Variants in AUNIP observed in about 807,000 individuals in gnomAD.
The protein encoded by AUNIP is aurora kinase A and ninein interacting protein.
In AUNIP, 16 loss-of-function variants were observed where a neutral mutation model predicts 12.2. The observed-to-expected ratio is 1.31, with a 90% CI of 0.88 to 1.99. AUNIP has a LOEUF of 1.99. Among genes scored for constraint, AUNIP ranks in the 30% most tolerant of loss-of-function variants. The pLI, the probability that AUNIP is intolerant of heterozygous loss-of-function variation, is 0.00. For missense variants in AUNIP, 411 were observed against 419.1 expected, an observed-to-expected ratio of 0.98 and a Z score of 0.17; for synonymous variants, 142 against 154.8, an observed-to-expected ratio of 0.92 and a Z score of 0.61.
At position 25,835,524 on chromosome 1, in the gene AUNIP, A is replaced by G. The variant is rs778207422; in HGVS notation, c.543T>C (p.Ser181=). The G allele has an allele frequency of 6.8e-6, 11 of 1,614,080 alleles. No homozygotes were observed. Among genetic ancestry groups the G allele is most frequent in the South Asian group, 1.1e-5 (1 of 91,096 alleles). ...CTTCCTTTCGGTCTAGCAAACAAGAACTTTCCAAGTCCTCGGTGAAGGAAA... is the reference window on the plus strand; with the variant it reads ...CTTCCTTTCGGTCTAGCAAACAAGAGCTTTCCAAGTCCTCGGTGAAGGAAA... ...LAFSFTEDLE[S]SCLLDRKEEK... is the part of the protein sequence containing the mutation. The change falls in exon 3 of 3, where the codon AGT becomes AGC. Residue 181 remains serine, a synonymous_variant. Coordinates refer to ENST00000374298, the MANE Select transcript of AUNIP (RefSeq NM_024037.3).
At position 25,849,754 on chromosome 1, in the gene AUNIP, C is replaced by G. The variant is rs1203529184; in HGVS notation, c.78+9526G>C. On this transcript the variant is annotated intron_variant, in intron 1 of 2. Transcript: ENST00000374298. Reference sequence around the variant, plus strand: ...GTTCAAGCAATTCTTCTGCCTCAGTCTCCTGAGCAGCTGGAATTACAGGTG... The same window carrying G: ...GTTCAAGCAATTCTTCTGCCTCAGTGTCCTGAGCAGCTGGAATTACAGGTG... 2.0e-5 allele frequency among the ~76,000 whole-genome samples: 3 copies of G among 152,186 alleles called. No individual in the cohort carries two copies. In the East Asian group the frequency reaches 5.8e-4, roughly 29 times the overall value.
At chr1:25,856,548 G>A (rs868526756) in intron 1 of AUNIP, among the ~76,000 whole-genome samples, 60 of 151,924 alleles carry the variant, frequency 3.9e-4, no homozygotes, top group African/African-American at 1.3e-3. Context: ...GGTGGTGCAT[G>A]CCTGTAATCC....
downstream of AUNIP, among the ~76,000 whole-genome samples, chr1:25,833,122 T>TTTC (rs2048268432): frequency 6.6e-6 from 1 of 152,088 alleles, no homozygotes; most frequent in Admixed American, 6.5e-5. Context: ...CTATACTCTT[T>TTTC]TTCTTTTTTT....
In AUNIP at chr1:25,835,433, C is replaced by T. The variant is rs149032187; in HGVS notation, c.634G>A (p.Glu212Lys). The T allele has an allele frequency of 5.9e-5, 96 of 1,614,228 alleles. 1 individual carries two copies. In the East Asian group the frequency reaches 2.1e-3, roughly 36 times the overall value. ...HESKKNYQSM[E>K]KHTKLPGDKC... The stretch of plus-strand genomic sequence containing the variant: ...TCCCCAGGTAGTTTGGTGTGTTTCT[C>T]CATACTCTGATAGTTCTTCTTAGAC... The change falls in exon 3 of 3, where the codon GAG becomes AAG. Residue 212 changes from glutamate (E) to lysine (K), a missense_variant. Transcript: ENST00000374298.
intron 1 of AUNIP, among the ~76,000 whole-genome samples, chr1:25,842,642 A>G (rs1182486275): frequency 2.0e-5 from 3 of 152,378 alleles, no homozygotes; most frequent in African/African-American, 7.2e-5. Flanking sequence ...GCCTGGCTCC[A>G]AAGCATCAAA....
chr1:25,853,917 C>G (rs2048440282), intron 1 of AUNIP, among the ~76,000 whole-genome samples: 1 of 152,122 alleles, frequency 6.6e-6, no homozygotes, highest in Non-Finnish European at 1.5e-5. Context: ...ATATTCTATT[C>G]ATTAGAAGCA....
chr1:25,845,508 T>C lies in AUNIP; in HGVS notation c.79-7954A>G, dbSNP rs553282706. Among the ~76,000 whole-genome samples the C allele has an allele frequency of 2.0e-5, 3 of 152,288 alleles. No homozygotes were observed. In the East Asian group the frequency reaches 5.8e-4, roughly 29 times the overall value. On this transcript the variant is annotated intron_variant, in intron 1 of 2. Coordinates refer to ENST00000374298, the MANE Select transcript of AUNIP (RefSeq NM_024037.3). Reference sequence around the variant, plus strand: ...TTACACCCAGCTCCAAAACATACTCTTCAGCTTACCACCAAGCATTCCTGA... The same window carrying C: ...TTACACCCAGCTCCAAAACATACTCCTCAGCTTACCACCAAGCATTCCTGA...
In AUNIP at chr1:25,859,345, C is replaced by T; in HGVS notation, c.13G>A (p.Gly5Ser). 2 of 1,547,252 alleles carry T rather than the reference C, an allele frequency of 1.3e-6. No individual in the cohort carries two copies. The highest frequency in any genetic ancestry group is 8.7e-7 in the Non-Finnish European group (1 of 1,149,120). The change falls in exon 1 of 3, where the codon GGC becomes AGC. Residue 5 changes from glycine (G) to serine (S), a missense_variant. By Grantham distance (56) the Gly-to-Ser change is moderately conservative. Coordinates refer to ENST00000374298, the MANE Select transcript of AUNIP (RefSeq NM_024037.3). ...ACGCCGCAGGCCTCCTCCTCGGGGC[C>T]TGTCCGCCTCATGGCCGCTGAGGAG... MRRT[G>S]PEEEACGVWL...
intron 1 of AUNIP, among the ~76,000 whole-genome samples, chr1:25,850,065 G>A (rs1039873970): frequency 6.6e-6 from 1 of 151,782 alleles, no homozygotes; most frequent in Admixed American, 6.6e-5. Flanking sequence ...GCAGACATAC[G>A]TTTTCCTATC....
At position 25,847,426 on chromosome 1, in the gene AUNIP, A is replaced by C. The variant is rs2048391678; in HGVS notation, c.79-9872T>G. Among the ~76,000 whole-genome samples, 3 of 151,954 alleles carry C rather than the reference A, an allele frequency of 2.0e-5. No individual in the cohort carries two copies. In the South Asian group the frequency reaches 6.2e-4, roughly 32 times the overall value. ...ACAGGCATGCGCCACGATGCCAGCTAAATTTTTTTTGTATTTTTAGTAGAG... is the reference window on the plus strand; with the variant it reads ...ACAGGCATGCGCCACGATGCCAGCTCAATTTTTTTTGTATTTTTAGTAGAG... On this transcript the variant is annotated intron_variant, in intron 1 of 2. Transcript: ENST00000374298. The surrounding 1 kb of genome is among the most constrained non-coding windows in gnomAD (Gnocchi z 4.2).
chr1:25,837,827 A>G (rs913145949), intron 1 of AUNIP, among the ~76,000 whole-genome samples: 2 of 152,244 alleles, frequency 1.3e-5, no homozygotes, highest in African/African-American at 2.4e-5. Context: ...ATTTGTTAAC[A>G]GGATGGCAGA....
rs2048277330 is a variant in AUNIP at position 25,834,081 on chromosome 1, G to C, written c.*912C>G. The stretch of plus-strand genomic sequence containing the variant: ...CCTATCTTGTGGGAAAAGGGTAACA[G>C]AGTCACATCCAGATTGTTGTACAGC... On this transcript the variant is annotated 3_prime_UTR_variant, in exon 3 of 3. Transcript: ENST00000374298. The C allele has an allele frequency of 1.0e-6, 1 of 985,216 alleles. No homozygotes were observed. Among genetic ancestry groups the C allele is most frequent in the Non-Finnish European group, 1.2e-6 (1 of 829,854 alleles). 61.0% of individuals were successfully genotyped at this position (985,216 alleles called of 1,614,324 possible).
intron 1 of AUNIP, among the ~76,000 whole-genome samples, chr1:25,839,685 C>T (rs539651166): frequency 4.0e-5 from 6 of 151,354 alleles, no homozygotes; most frequent in South Asian, 2.1e-4. Context: ...TTTTTTGAGA[C>T]GAAGTCTCAC....
Position 25,834,120 on chromosome 1 carries a change from G to A in AUNIP, c.*873C>T, listed in dbSNP as rs1053825957. Reference sequence around the variant, plus strand: ...TTGTTGTACAGCTCAGGCTTTTTAAGGGAGATATTTAAACATAGAGTATAT... The same window carrying A: ...TTGTTGTACAGCTCAGGCTTTTTAAAGGAGATATTTAAACATAGAGTATAT... On this transcript the variant is annotated 3_prime_UTR_variant, in exon 3 of 3. Transcript: ENST00000374298. The A allele has an allele frequency of 8.6e-5, 85 of 985,008 alleles. No homozygotes were observed. The highest frequency in any genetic ancestry group is 1.0e-3 in the Middle Eastern group (2 of 1,936). The allele number at this position is 985,008 out of a possible 1,614,324, so 61.0% of individuals were successfully genotyped here.
intron 1 of AUNIP, among the ~76,000 whole-genome samples, chr1:25,840,731 G>A (rs2048342257): frequency 6.6e-6 from 1 of 152,070 alleles, no homozygotes; most frequent in Non-Finnish European, 1.5e-5. Flanking sequence ...GCCCTCTTGA[G>A]GTGCTCACTC....
intron 1 of AUNIP, among the ~76,000 whole-genome samples, chr1:25,838,642 C>T (rs1296498052): frequency 6.6e-6 from 1 of 152,198 alleles, no homozygotes; most frequent in East Asian, 1.9e-4. Context: ...AGTCTCACTA[C>T]ACTTTTAACT....
intron 1 of AUNIP, among the ~76,000 whole-genome samples, chr1:25,851,784 T>C (rs2048425405): frequency 6.6e-6 from 1 of 152,230 alleles, no homozygotes; most frequent in South Asian, 2.1e-4. Context: ...TCGCCCAGGC[T>C]GGAATGCAGT....
intron 1 of AUNIP, among the ~76,000 whole-genome samples, chr1:25,857,799 G>C (rs189753486): frequency 6.7e-6 from 1 of 150,136 alleles, no homozygotes; most frequent in African/African-American, 2.4e-5. Context: ...GGAGGCAGAG[G>C]TTGCAGTGAG....
chr1:25,859,439 G>A lies in AUNIP; in HGVS notation c.-82C>T, dbSNP rs899834785. 6.2e-6 allele frequency: 8 copies of A among 1,297,518 alleles called. No homozygotes were observed. The highest frequency in any genetic ancestry group is 3.1e-5 in the South Asian group (2 of 64,786). 80.4% of individuals were successfully genotyped at this position (1,297,518 alleles called of 1,614,324 possible). On this transcript the variant is annotated 5_prime_UTR_variant, in exon 1 of 3. The change creates a new upstream start codon in the 5' untranslated region. Coordinates refer to ENST00000374298, the MANE Select transcript of AUNIP (RefSeq NM_024037.3). The stretch of plus-strand genomic sequence containing the variant: ...GAACGCCAGAACCGCGGCCGCCGAC[G>A]TTCGGATCTCGCGCCAACGCTGGGG...
Sources: allele counts gnomAD v4.1 joint callset (sites outside exome capture counted in the v4.1 genomes callset), GRCh38; gene constraint gnomAD v4.1.1; non-coding constraint Gnocchi (gnomAD v3.1); transcripts MANE v1.5; gene names NCBI Gene and HGNC (gene_info 2026-07-23, HGNC 2026-07-21).